RALGAPA1: variants seen among roughly 807,000 people sequenced by gnomAD.
The protein encoded by RALGAPA1 is ral GTPase-activating protein subunit alpha-1.
In RALGAPA1, 52 loss-of-function variants were observed where a neutral mutation model predicts 269.6. The ratio of observed to expected loss-of-function variants is 0.19; its 90% CI spans 0.15 to 0.24. The LOEUF (loss-of-function observed/expected upper bound fraction) is 0.24. Ranked by LOEUF, RALGAPA1 falls within the 10% of genes least tolerant of loss-of-function variation. The probability of loss-of-function intolerance (pLI) is 1.00; values close to 1 mark genes in which losing one functional copy is unlikely to be tolerated. For missense variants in RALGAPA1, 1,917 were observed against 3,013.9 expected, an observed-to-expected ratio of 0.64 and a Z score of 8.52; for synonymous variants, 817 against 1,008.3, an observed-to-expected ratio of 0.81 and a Z score of 3.60.
intron 36 of RALGAPA1, among the ~76,000 whole-genome samples, chr14:35,596,294 A>G (rs2058928338): frequency 6.6e-6 from 1 of 152,084 alleles, no homozygotes; most frequent in South Asian, 2.1e-4. Context: ...CAACAAGGTG[A>G]CCTGTAAAAA....
At chr14:35,594,308 G>C (rs1312107609) in intron 37 of RALGAPA1, among the ~76,000 whole-genome samples, 2 of 151,948 alleles carry the variant, frequency 1.3e-5, no homozygotes, top group Non-Finnish European at 2.9e-5. Context: ...GCAGAACAAA[G>C]GTAACAGTCA....
intron 1 of RALGAPA1, among the ~76,000 whole-genome samples, chr14:35,802,780 C>G (rs569303244): frequency 6.6e-6 from 1 of 151,976 alleles, no homozygotes; most frequent in South Asian, 2.1e-4. Flanking sequence ...CTCCCAGGCC[C>G]AGGTGATCCT....
chr14:35,677,863 TA>T, intron 22 of RALGAPA1, 86 bp downstream of exon 22: 1 of 1,233,044 alleles, frequency 8.1e-7, no homozygotes, highest in Non-Finnish European at 1.2e-6. Flanking sequence ...TAATCATATA[TA>T]ATCAAATGTA....
At chr14:35,699,928 A>C (rs1296403032) in intron 17 of RALGAPA1, among the ~76,000 whole-genome samples, 1 of 151,902 alleles carries the variant, frequency 6.6e-6, no homozygotes, top group African/African-American at 2.4e-5. Context: ...GCCATTTACA[A>C]CAAAAAATAC....
At chr14:35,766,649 T>C (rs893534279) in intron 4 of RALGAPA1, 12 of 706,890 alleles carry the variant, frequency 1.7e-5, no homozygotes, top group Non-Finnish European at 2.9e-5. Context: ...TCAATGATTT[T>C]GTAAGAGGAA....
intron 16 of RALGAPA1, among the ~76,000 whole-genome samples, chr14:35,720,043 C>T (rs1468440052): frequency 6.6e-5 from 10 of 152,176 alleles, no homozygotes; most frequent in African/African-American, 1.7e-4. Flanking sequence ...TAAGCCACCG[C>T]GCCCGGCCAA....
intron 12 of RALGAPA1, among the ~76,000 whole-genome samples, chr14:35,732,268 T>C (rs566128131): frequency 6.7e-6 from 1 of 150,312 alleles, no homozygotes; most frequent in South Asian, 2.1e-4. Context: ...TAGAAACATA[T>C]CAAAACAGAA....
intron 26 of RALGAPA1, 39 bp downstream of exon 26, chr14:35,671,350 T>C: frequency 6.6e-7 from 1 of 1,519,104 alleles, no homozygotes; most frequent in Non-Finnish European, 8.9e-7. Flanking sequence ...GAATCCTGGC[T>C]AAAGTTTGTT....
chr14:35,729,240 T>C lies in RALGAPA1; in HGVS notation c.1588-730A>G, dbSNP rs115615990. On this transcript the variant is annotated intron_variant, in intron 12 of 41. Transcript: ENST00000680220. ...CTGTTTTGGTGACAGAAGATTCCAT[T>C]AGAAAAATTACTATATCCCATCAAA... 5.2e-3 allele frequency among the ~76,000 whole-genome samples: 792 copies of C among 152,284 alleles called. 6 individuals carry two copies. Among genetic ancestry groups the C allele is most frequent in the African/African-American group, 0.018 (747 of 41,560 alleles).
At chr14:35,567,360 A>C (rs1483123579) in intron 39 of RALGAPA1, among the ~76,000 whole-genome samples, 2 of 152,108 alleles carry the variant, frequency 1.3e-5, no homozygotes. Flanking sequence ...TATTGACTGT[A>C]ATCTTTACAC....
intron 1 of RALGAPA1, among the ~76,000 whole-genome samples, chr14:35,804,934 A>G (rs964298234): frequency 1.3e-5 from 2 of 152,274 alleles, no homozygotes; most frequent in Middle Eastern, 3.4e-3. Flanking sequence ...ACAAGAAAAA[A>G]AAGCAATGAA....
At chr14:35,541,709 C>T (rs1235549631) in intron 41 of RALGAPA1, 3 of 456,640 alleles carry the variant, frequency 6.6e-6, no homozygotes, top group Non-Finnish European at 1.3e-5. Flanking sequence ...CATTCCCGGC[C>T]ATCACGAGAG....
chr14:35,672,108 CTCT>C (rs2064505380), intron 25 of RALGAPA1, among the ~76,000 whole-genome samples: 1 of 152,094 alleles, frequency 6.6e-6, no homozygotes, highest in Admixed American at 6.6e-5. Flanking sequence ...AACAAAAGCT[CTCT>C]TCTTCTAATA....
intron 33 of RALGAPA1, among the ~76,000 whole-genome samples, chr14:35,633,642 T>C (rs2061491575): frequency 6.6e-6 from 1 of 152,142 alleles, no homozygotes; most frequent in Admixed American, 6.5e-5. Flanking sequence ...AATAAAATTA[T>C]AAAAACAGGC....
Position 35,637,550 on chromosome 14 carries a change from A to G in RALGAPA1, c.5677-1952T>C, listed in dbSNP as rs548307686. Among the ~76,000 whole-genome samples, 4 of 152,304 alleles carry G rather than the reference A, an allele frequency of 2.6e-5. No homozygotes were observed. The South Asian group carries it at 8.3e-4, about 32-fold the overall frequency. On this transcript the variant is annotated intron_variant, in intron 31 of 41. Coordinates refer to ENST00000680220, the MANE Select transcript of RALGAPA1 (RefSeq NM_001346249.2). ...GAGGCGACAAAAGAAAAAAGAAGAA[A>G]AAAGAATAAAACACACCTATAAGAA...
intron 4 of RALGAPA1, among the ~76,000 whole-genome samples, chr14:35,764,090 CTT>C (rs5807843): frequency 7.8e-4 from 108 of 137,826 alleles, no homozygotes; most frequent in Non-Finnish European, 1.0e-3. Flanking sequence ...TTTAGTTGTT[CTT>C]TTTTTTTTTT....
intron 11 of RALGAPA1, among the ~76,000 whole-genome samples, chr14:35,741,466 G>A (rs996893676): frequency 1.3e-5 from 2 of 151,394 alleles, no homozygotes; most frequent in South Asian, 4.2e-4. Context: ...ACATATACAC[G>A]TATACACACA....
chr14:35,752,230 T>C (rs1222254722), intron 7 of RALGAPA1, 68 bp from the exon 8 acceptor site: 1 of 1,394,908 alleles, frequency 7.2e-7, no homozygotes, highest in South Asian at 1.6e-5. Flanking sequence ...GTATTAGCAA[T>C]TATAAACAAG....
At chr14:35,728,935 A>G (rs2070217122) in intron 12 of RALGAPA1, among the ~76,000 whole-genome samples, 1 of 152,018 alleles carries the variant, frequency 6.6e-6, no homozygotes, top group African/African-American at 2.4e-5. Context: ...GGGTTTCACT[A>G]TACTGGCCAG....
Sources: allele counts gnomAD v4.1 joint callset (sites outside exome capture counted in the v4.1 genomes callset), GRCh38; gene constraint gnomAD v4.1.1; transcripts MANE v1.5; gene names NCBI Gene and HGNC (gene_info 2026-07-23, HGNC 2026-07-21).